Variants in KCND2 observed in about 807,000 individuals in gnomAD.
KCND2 encodes the protein A-type voltage-gated potassium channel KCND2.
A neutral mutation model predicts 54.4 loss-of-function variants in KCND2; 16 were observed. That is an observed-to-expected ratio of 0.29 (90% CI 0.20 to 0.45). The LOEUF (loss-of-function observed/expected upper bound fraction) is 0.45. KCND2 is among the 20% of genes least tolerant of loss of function. The probability of loss-of-function intolerance (pLI) is 1.00; values close to 1 mark genes in which losing one functional copy is unlikely to be tolerated. For synonymous variants in KCND2, 317 were observed against 310.7 expected (o/e 1.02, Z -0.21); for missense variants, 486 against 824.2 (o/e 0.59, Z 5.02).
chr7:120,285,413 A>G (rs1437975819), intron 1 of KCND2, among the ~76,000 whole-genome samples: 12 of 148,612 alleles, frequency 8.1e-5, no homozygotes, highest in Non-Finnish European at 1.8e-4. Flanking sequence ...TCAAGAAAGT[A>G]TTAAGTCTTT....
rs1205186385 is a variant in KCND2 at position 120,402,955 on chromosome 7, G to A, written c.1115+127208G>A. ...CAAGAATGTATAATGGGACTGGTAT[G>A]TAATAAGTAAACTTGGGAAGCATAA... On this transcript the variant is annotated intron_variant, in intron 1 of 5. Coordinates refer to ENST00000331113, the MANE Select transcript of KCND2 (RefSeq NM_012281.3). Among the ~76,000 whole-genome samples, 3 of 152,170 alleles carry A rather than the reference G, an allele frequency of 2.0e-5. No homozygotes were observed. The East Asian group carries it at 5.8e-4, about 29-fold the overall frequency.
chr7:120,328,690 T>C (rs1277728866), intron 1 of KCND2, among the ~76,000 whole-genome samples: 1 of 152,178 alleles, frequency 6.6e-6, no homozygotes, highest in East Asian at 1.9e-4. Flanking sequence ...GATCTACAGG[T>C]AACTTATCTT....
intron 1 of KCND2, among the ~76,000 whole-genome samples, chr7:120,670,101 T>C (rs1198121167): frequency 6.6e-6 from 1 of 152,032 alleles, no homozygotes; most frequent in Non-Finnish European, 1.5e-5. Context: ...AAATCACCAG[T>C]AAAGAACTTT....
At chr7:120,525,181 T>C (rs1222496790) in intron 1 of KCND2, among the ~76,000 whole-genome samples, 1 of 152,180 alleles carries the variant, frequency 6.6e-6, no homozygotes, top group Non-Finnish European at 1.5e-5. Context: ...CAAATGTTTG[T>C]TTGCTATTGT....
intron 1 of KCND2, among the ~76,000 whole-genome samples, chr7:120,584,118 A>G (rs1270727625): frequency 1.3e-5 from 2 of 152,248 alleles, no homozygotes; most frequent in Non-Finnish European, 2.9e-5. Flanking sequence ...TCTGGAATGC[A>G]CAATTGACAG....
intron 1 of KCND2, among the ~76,000 whole-genome samples, chr7:120,544,502 T>C (rs1416232120): frequency 6.6e-6 from 1 of 151,956 alleles, no homozygotes; most frequent in Admixed American, 6.6e-5. Flanking sequence ...GTATAACCAT[T>C]CATAAATTAA....
chr7:120,277,927 C>T (rs149665506), intron 1 of KCND2, among the ~76,000 whole-genome samples: 4 of 152,016 alleles, frequency 2.6e-5, no homozygotes, highest in South Asian at 4.1e-4. Context: ...TGAATACACA[C>T]GCTTTCTCAG....
intron 1 of KCND2, among the ~76,000 whole-genome samples, chr7:120,602,592 T>C (rs1267798348): frequency 6.6e-6 from 1 of 152,122 alleles, no homozygotes. Flanking sequence ...GTATTTGGAG[T>C]TTTTCCTTAA....
rs183375938 is a variant in KCND2 at position 120,320,019 on chromosome 7, A to C, written c.1115+44272A>C. ...GCAAGATTGTTATTAATTTGATTTA[A>C]ATAAATACTGAAATTAAAATATATT... On this transcript the variant is annotated intron_variant, in intron 1 of 5. Coordinates refer to ENST00000331113, the MANE Select transcript of KCND2 (RefSeq NM_012281.3). 1.2e-4 allele frequency among the ~76,000 whole-genome samples: 19 copies of C among 152,220 alleles called. 1 individual carries two copies. Among genetic ancestry groups the C allele is most frequent in the Admixed American group, 1.2e-3 (18 of 15,258 alleles).
chr7:120,607,618 G>T (rs1360974839), intron 1 of KCND2, among the ~76,000 whole-genome samples: 2 of 152,004 alleles, frequency 1.3e-5, no homozygotes, highest in East Asian at 1.9e-4. Context: ...AATAAATACA[G>T]ATTATTCCCA....
chr7:120,690,274 T>C (rs1045650410), intron 1 of KCND2, among the ~76,000 whole-genome samples: 10 of 152,210 alleles, frequency 6.6e-5, no homozygotes, highest in African/African-American at 2.4e-4. Context: ...GGCTTTTAAA[T>C]TTGCTTTATT....
At chr7:120,694,728 C>A (rs1404891008) in intron 1 of KCND2, among the ~76,000 whole-genome samples, 1 of 152,112 alleles carries the variant, frequency 6.6e-6, no homozygotes, top group African/African-American at 2.4e-5. Flanking sequence ...AACTGGCTAA[C>A]GCTGAAGTTG....
rs140502703 is a variant in KCND2 at position 120,467,487 on chromosome 7, A to G, written c.1115+191740A>G. Among the ~76,000 whole-genome samples, 797 of 152,172 alleles carry G rather than the reference A, an allele frequency of 5.2e-3. 6 individuals are homozygous for G. The highest frequency in any genetic ancestry group is 0.018 in the African/African-American group (745 of 41,544). On this transcript the variant is annotated intron_variant, in intron 1 of 5. Coordinates refer to ENST00000331113, the MANE Select transcript of KCND2 (RefSeq NM_012281.3). ...TTGGAGGCCATCAGGTGTTCTTTAAATGCAGCCTCTCAAGAAAATAAAGTT... is the reference window on the plus strand; with the variant it reads ...TTGGAGGCCATCAGGTGTTCTTTAAGTGCAGCCTCTCAAGAAAATAAAGTT...
chr7:120,408,935 G>T (rs1801406523), intron 1 of KCND2, among the ~76,000 whole-genome samples: 1 of 151,746 alleles, frequency 6.6e-6, no homozygotes, highest in Admixed American at 6.6e-5. Flanking sequence ...AGGAGAAAAA[G>T]GTATTAGAAA....
chr7:120,459,488 A>G (rs1584787847), intron 1 of KCND2, among the ~76,000 whole-genome samples: 1 of 152,260 alleles, frequency 6.6e-6, no homozygotes, highest in South Asian at 2.1e-4. Flanking sequence ...AGATTTTTCC[A>G]TAACATTATC....
chr7:120,368,109 G>A (rs905497867), intron 1 of KCND2, among the ~76,000 whole-genome samples: 5 of 152,094 alleles, frequency 3.3e-5, no homozygotes, highest in Admixed American at 6.6e-5. Flanking sequence ...CATTCGATCC[G>A]AAGCATTTCA....
At chr7:120,406,029 ATGAAGGTGGTATAAAG>A (rs1255477300) in intron 1 of KCND2, among the ~76,000 whole-genome samples, 8 of 151,998 alleles carry the variant, frequency 5.3e-5, no homozygotes, top group African/African-American at 1.7e-4. Context: ...CATTTGTCTT[ATGAAGGTGGTATAAAG>A]GAACTACTTT....
chr7:120,600,398 T>C (rs554005778), intron 1 of KCND2, among the ~76,000 whole-genome samples: 5 of 152,102 alleles, frequency 3.3e-5, no homozygotes, highest in Admixed American at 3.3e-4. Context: ...CATCAACTCT[T>C]AGAGTTACTA....
At chr7:120,431,335 T>C (rs1801785396) in intron 1 of KCND2, among the ~76,000 whole-genome samples, 1 of 152,134 alleles carries the variant, frequency 6.6e-6, no homozygotes, top group South Asian at 2.1e-4. Context: ...ACGTAGCCTA[T>C]GGTCCAGTGG....
Sources: allele counts gnomAD v4.1 joint callset (sites outside exome capture counted in the v4.1 genomes callset), GRCh38; gene constraint gnomAD v4.1.1; transcripts MANE v1.5; gene names NCBI Gene and HGNC (gene_info 2026-07-23, HGNC 2026-07-21).